The following PTPRS variants were observed in gnomAD, a reference collection of about 807,000 sequenced individuals.
PTPRS encodes the protein receptor-type tyrosine-protein phosphatase S.
Under a neutral mutation model 215.3 loss-of-function variants are expected in PTPRS, and 63 were observed. That is an observed-to-expected ratio of 0.29 (90% CI 0.24 to 0.36). The LOEUF (loss-of-function observed/expected upper bound fraction) is 0.36, where lower values mean the gene tolerates loss of function less well. Among genes scored for constraint, PTPRS ranks in the 10% least tolerant of loss-of-function variants. The probability of loss-of-function intolerance (pLI) is 1.00; values close to 1 mark genes in which losing one functional copy is unlikely to be tolerated. For missense variants in PTPRS, 2,258 were observed against 2,825.8 expected (o/e 0.80, Z 4.56); for synonymous variants, 1,404 against 1,191.4 (o/e 1.18, Z -3.68).
At chr19:5,239,757 A>C (rs981890126) in intron 12 of PTPRS, among the ~76,000 whole-genome samples, 3 of 151,998 alleles carry the variant, frequency 2.0e-5, no homozygotes, top group Non-Finnish European at 4.4e-5. Context: ...GAGAGACAGA[A>C]AGAGAGGCAG....
Position 5,244,164 on chromosome 19 carries a change from C to T in PTPRS, c.1307G>A (p.Arg436Gln), listed in dbSNP as rs759347088. The T allele has an allele frequency of 2.5e-6, 4 of 1,598,628 alleles. No homozygotes were observed. The highest frequency in any genetic ancestry group is 3.4e-6 in the Non-Finnish European group (4 of 1,172,092). Residue 436 changes from arginine (R) to glutamine (Q), a missense_variant, in exon 11 of 38, where the codon CGG becomes CAG. Coordinates refer to ENST00000262963, the MANE Select transcript of PTPRS (RefSeq NM_002850.4). The surrounding 1 kb of genome is among the most constrained non-coding windows in gnomAD (Gnocchi z 7.2). ...AATCATGGTGGTCGCGCTGAGCATC[C>T]GGGCTTGCACGTTCCGCGGCGCGCT... is the stretch of plus-strand genomic sequence containing the variant. The part of the protein sequence containing the change: ...PASAPRNVQA[R>Q]MLSATTMIVQ...
rs1334741177 is a variant in PTPRS, at chr19:5,212,501, A to C, written c.4615-10T>G. On this transcript the variant is annotated splice_polypyrimidine_tract_variant and intron_variant, in intron 30 of 37. Transcript: ENST00000262963. The stretch of plus-strand genomic sequence containing the variant: ...TCTCACTGGAGCCATTCTGGGGACC[A>C]CAAGGATGTCACCTGTCACTCCGGC... 1.3e-6 allele frequency: 2 copies of C among 1,580,066 alleles called. No individual in the cohort carries two copies. Among genetic ancestry groups the C allele is most frequent in the Admixed American group, 1.8e-5 (1 of 55,682 alleles).
At position 5,272,048 on chromosome 19, in the gene PTPRS, T is replaced by C. The variant is rs189319131; in HGVS notation, c.379+1394A>G. Among the ~76,000 whole-genome samples the C allele has an allele frequency of 1.4e-3, 213 of 151,986 alleles. 1 individual carries two copies. The highest frequency in any genetic ancestry group is 0.012 in the East Asian group (60 of 5,150). ...CAGCCCGACTTTAGAGATGAGAAAA[T>C]TGCAGCTCAGACAAGTTCATTAACC... is the stretch of plus-strand genomic sequence containing the variant. On this transcript the variant is annotated intron_variant, in intron 4 of 37. Transcript: ENST00000262963.
At chr19:5,335,436 T>C (rs1449884252) in intron 1 of PTPRS, among the ~76,000 whole-genome samples, 1 of 151,818 alleles carries the variant, frequency 6.6e-6, no homozygotes, top group Non-Finnish European at 1.5e-5. Context: ...CCCAGAGGGG[T>C]AACCTCATTC....
Position 5,207,903 on chromosome 19 carries a change from C to A in PTPRS, c.5778+19G>T, listed in dbSNP as rs776761908. 7.4e-6 allele frequency: 12 copies of A among 1,611,784 alleles called. No individual in the cohort carries two copies. Among genetic ancestry groups the A allele is most frequent in the Non-Finnish European group, 1.0e-5 (12 of 1,179,058 alleles). On this transcript the variant is annotated intron_variant, in intron 37 of 37. Coordinates refer to ENST00000262963, the MANE Select transcript of PTPRS (RefSeq NM_002850.4). ...GGGGCGTGAGGCCAGGCTGCCTCCC[C>A]TCCCTGTCCCATCTTTACCTCTGTC...
At chr19:5,264,643 T>A (rs1599787479) in intron 5 of PTPRS, among the ~76,000 whole-genome samples, 1 of 152,164 alleles carries the variant, frequency 6.6e-6, no homozygotes, top group East Asian at 1.9e-4. Context: ...CACAACTGTC[T>A]GTGGGTGACA....
At chr19:5,335,561 T>TCC (rs1399067989) in intron 1 of PTPRS, among the ~76,000 whole-genome samples, 1 of 151,922 alleles carries the variant, frequency 6.6e-6, no homozygotes, top group Admixed American at 6.6e-5. Flanking sequence ...AATTTTCAGT[T>TCC]CTCCAGGTAG....
chr19:5,223,304 G>C lies in PTPRS; in HGVS notation c.2495-7C>G. ...AGGGTTGGGCGGCCCAGCACTGCGG[G>C]GATACGGGGCAGGTGTCAGGGTCCC... On this transcript the variant is annotated splice_region_variant and splice_polypyrimidine_tract_variant and intron_variant, in intron 17 of 37. Coordinates refer to ENST00000262963, the MANE Select transcript of PTPRS (RefSeq NM_002850.4). 6.9e-7 allele frequency: 1 copy of C among 1,450,474 alleles called. No homozygotes were observed. The highest frequency in any genetic ancestry group is 1.5e-5 in the South Asian group (1 of 68,160). 89.9% of individuals were successfully genotyped at this position (1,450,474 alleles called of 1,614,324 possible). A position where few individuals can be genotyped will look rare whatever the true frequency, so the allele number is the denominator to read the frequency against.
chr19:5,230,151 T>C (rs984595747), intron 14 of PTPRS, among the ~76,000 whole-genome samples: 10 of 152,180 alleles, frequency 6.6e-5, no homozygotes, highest in African/African-American at 2.4e-4. Flanking sequence ...GGTGGCCCAC[T>C]TGGCACTCAG....
chr19:5,302,749 C>A (rs1191372425), intron 1 of PTPRS, among the ~76,000 whole-genome samples: 2 of 152,016 alleles, frequency 1.3e-5, no homozygotes. Context: ...CCTAGGGGTA[C>A]GTTCCTGACT....
Position 5,268,611 on chromosome 19 carries a change from A to C in PTPRS, c.380-3415T>G, listed in dbSNP as rs181458884. Among the ~76,000 whole-genome samples, 16 of 152,140 alleles carry C rather than the reference A, an allele frequency of 1.1e-4. No individual in the cohort carries two copies. The East Asian group carries it at 1.6e-3, about 15-fold the overall frequency. ...CCCTGCCTCCCCAGGATTACGAGAG[A>C]GCGGCAGTTCCAGCTCGGGGGTCAC... On this transcript the variant is annotated intron_variant, in intron 4 of 37. Coordinates refer to ENST00000262963, the MANE Select transcript of PTPRS (RefSeq NM_002850.4).
chr19:5,273,671 GA>G, intron 3 of PTPRS, 88 bp from the exon 4 acceptor site: 1 of 1,492,472 alleles, frequency 6.7e-7, no homozygotes, highest in South Asian at 1.2e-5. Context: ...GGCTGTAGGG[GA>G]ATGGCAGTCA....
Position 5,210,409 on chromosome 19 carries a change from G to A in PTPRS, c.5487+60C>T. 1.2e-6 allele frequency: 2 copies of A among 1,609,528 alleles called. No homozygotes were observed. The highest frequency in any genetic ancestry group is 3.3e-5 in the Admixed American group (2 of 59,922). ...GCCTTTGTATCCATCACCAACCAGG[G>A]CAGCCCTTTCCAGATCACTAAGGCT... On this transcript the variant is annotated intron_variant, in intron 35 of 37. Transcript: ENST00000262963. The surrounding 1 kb of genome is among the most constrained non-coding windows in gnomAD (Gnocchi z 4.5).
intron 23 of PTPRS, 144 bp from the exon 24 acceptor site, chr19:5,218,942 A>C (rs2041735622): frequency 2.3e-6 from 2 of 883,896 alleles, no homozygotes; most frequent in South Asian, 1.7e-5. Context: ...AATGGTGCTC[A>C]TATTTCCTGT....
rs2047509196 is a variant in PTPRS, at chr19:5,277,717, G to A, written c.92-3373C>T. 2.2e-5 allele frequency: 14 copies of A among 625,408 alleles called. No individual in the cohort carries two copies. In the East Asian group the frequency reaches 3.0e-4, roughly 14 times the overall value. 38.7% of individuals were successfully genotyped at this position (625,408 alleles called of 1,614,324 possible). A position where few individuals can be genotyped will look rare whatever the true frequency, so the allele number is the denominator to read the frequency against. ...GGCGCTGCCTAAGGAGGTGGCAGCC[G>A]TCTCCTCCTCAGCATCATGGCCGCC... is the stretch of plus-strand genomic sequence containing the variant. On this transcript the variant is annotated intron_variant, in intron 2 of 37. Transcript: ENST00000262963.
intron 13 of PTPRS, among the ~76,000 whole-genome samples, chr19:5,235,344 C>A (rs1372203289): frequency 6.6e-6 from 1 of 152,140 alleles, no homozygotes; most frequent in Non-Finnish European, 1.5e-5. Flanking sequence ...GCATTGCACT[C>A]AATACCTTAT....
chr19:5,281,113 C>G (rs2047813125), intron 2 of PTPRS, among the ~76,000 whole-genome samples: 2 of 151,948 alleles, frequency 1.3e-5, no homozygotes, highest in Admixed American at 1.3e-4. Flanking sequence ...ATTTATCCCT[C>G]TGTTGCAGCA....
At position 5,220,074 on chromosome 19, in the gene PTPRS, T is replaced by A. The variant is rs1007080411; in HGVS notation, c.3630A>T (p.Ala1210=). The change falls in exon 22 of 38, where the codon GCA becomes GCT. Residue 1210 remains alanine (A), a synonymous_variant. Coordinates refer to ENST00000262963, the MANE Select transcript of PTPRS (RefSeq NM_002850.4). The part of the protein sequence containing the change: ...RQLEVPRPYI[A]ARFSVLPPTF... Reference sequence around the variant, plus strand: ...TGGGTGGCAGCACAGAGAAGCGAGCTGCAATATAGGGCCGGGGCACCTCCA... The same window carrying A: ...TGGGTGGCAGCACAGAGAAGCGAGCAGCAATATAGGGCCGGGGCACCTCCA... The A allele has an allele frequency of 1.9e-6, 3 of 1,613,810 alleles. No individual in the cohort carries two copies. Among genetic ancestry groups the A allele is most frequent in the African/African-American group, 1.3e-5 (1 of 74,914 alleles).
intron 1 of PTPRS, among the ~76,000 whole-genome samples, chr19:5,324,870 G>A (rs969194864): frequency 2.6e-5 from 4 of 152,150 alleles, no homozygotes; most frequent in African/African-American, 9.7e-5. Context: ...GCAAAACTTC[G>A]AGTCTGGGGT....
Sources: gnomAD v4.1 joint callset for allele counts (sites outside exome capture counted in the v4.1 genomes callset) on GRCh38, gnomAD v4.1.1 for gene constraint, Gnocchi (gnomAD v3.1) non-coding constraint, MANE v1.5 for transcripts, NCBI Gene and HGNC (gene_info 2026-07-23, HGNC 2026-07-21) for gene names.